The following RBFOX2 variants were observed in gnomAD, a reference collection of about 807,000 sequenced individuals.
RBFOX2 encodes the protein RNA binding protein fox-1 homolog 2.
Under a neutral mutation model 49.1 loss-of-function variants are expected in RBFOX2, and 10 were observed. That is an observed-to-expected ratio of 0.20 (90% CI 0.13 to 0.35). The LOEUF (loss-of-function observed/expected upper bound fraction) is 0.35. Among genes scored for constraint, RBFOX2 ranks in the 10% least tolerant of loss-of-function variants. RBFOX2 has a pLI of 1.00. For missense variants in RBFOX2, 323 were observed against 486.9 expected, an observed-to-expected ratio of 0.66 and a Z score of 3.17; for synonymous variants, 183 against 187.4, an observed-to-expected ratio of 0.98 and a Z score of 0.19.
At chr22:35,907,730 C>T (rs2049289054) in intron 1 of RBFOX2, among the ~76,000 whole-genome samples, 1 of 152,092 alleles carries the variant, frequency 6.6e-6, no homozygotes, top group African/African-American at 2.4e-5. Context: ...TCACTGCAAC[C>T]TTCACCTCCC....
At chr22:36,000,671 A>G (rs1362837209) in intron 1 of RBFOX2, among the ~76,000 whole-genome samples, 1 of 152,132 alleles carries the variant, frequency 6.6e-6, no homozygotes, top group Non-Finnish European at 1.5e-5. Flanking sequence ...CTCCTGTGAT[A>G]GGAAAAAAGC....
intron 1 of RBFOX2, among the ~76,000 whole-genome samples, chr22:35,872,477 T>C (rs1038493850): frequency 9.2e-5 from 14 of 152,162 alleles, no homozygotes; most frequent in African/African-American, 3.1e-4. Context: ...ACCAGAAGAA[T>C]TGGATCATAC....
intron 1 of RBFOX2, among the ~76,000 whole-genome samples, chr22:36,009,704 A>T (rs1170221562): frequency 6.6e-6 from 1 of 152,132 alleles, no homozygotes; most frequent in Admixed American, 6.6e-5. Flanking sequence ...GGGCCCTCTT[A>T]ACCAAATATT....
In RBFOX2 at chr22:35,856,962, G is replaced by A. The variant is rs531343607; in HGVS notation, c.-33-46958C>T. Among the ~76,000 whole-genome samples, 12 of 152,288 alleles carry A rather than the reference G, an allele frequency of 7.9e-5. No homozygotes were observed. In the South Asian group the frequency reaches 2.3e-3, roughly 29 times the overall value. On this transcript the variant is annotated intron_variant, in intron 1 of 13. Coordinates refer to the RBFOX2 transcript ENST00000359369. ...CAGGAGAATTGCCTGAACCCGGGAG[G>A]CAGAGGTTGCAGTGAGCCGAGATTG...
chr22:35,891,464 C>A (rs2047234529), intron 1 of RBFOX2, among the ~76,000 whole-genome samples: 1 of 151,910 alleles, frequency 6.6e-6, no homozygotes, highest in South Asian at 2.1e-4. Context: ...CTTTAATCAT[C>A]TTTGTATTTG....
chr22:36,026,273 A>C (rs1473787439), intron 1 of RBFOX2, among the ~76,000 whole-genome samples: 1 of 151,360 alleles, frequency 6.6e-6, no homozygotes, highest in East Asian at 1.9e-4. Context: ...AAAAAAAGAG[A>C]ATGTATAGAA....
intron 2 of RBFOX2, among the ~76,000 whole-genome samples, chr22:35,796,603 G>A (rs969270817): frequency 6.6e-6 from 1 of 152,072 alleles, no homozygotes; most frequent in African/African-American, 2.4e-5. Context: ...CTGCAATGTC[G>A]AATCTGAAAC....
intron 1 of RBFOX2, among the ~76,000 whole-genome samples, chr22:36,025,812 A>T (rs983848803): frequency 2.0e-5 from 3 of 151,266 alleles, no homozygotes; most frequent in Admixed American, 6.6e-5. Flanking sequence ...GTGGATTACA[A>T]GGGAAATCAT....
intron 1 of RBFOX2, among the ~76,000 whole-genome samples, chr22:35,981,112 C>T (rs777054938): frequency 7.9e-5 from 12 of 152,044 alleles, no homozygotes; most frequent in Non-Finnish European, 1.8e-4. Context: ...ACCAAAACAA[C>T]GTTATGGTAG....
intron 2 of RBFOX2, among the ~76,000 whole-genome samples, chr22:35,805,670 A>G (rs1950601935): frequency 1.3e-5 from 2 of 152,244 alleles, no homozygotes; most frequent in African/African-American, 4.8e-5. Flanking sequence ...AAAACCCTGC[A>G]TATGAATGTT....
intron 6 of RBFOX2, among the ~76,000 whole-genome samples, chr22:35,764,297 C>T (rs1439412365): frequency 6.6e-6 from 1 of 151,908 alleles, no homozygotes. Context: ...TTTAAAAAAA[C>T]AGCAGAGCCA....
At chr22:35,955,150 G>A (rs1050732109) in intron 1 of RBFOX2, among the ~76,000 whole-genome samples, 3 of 152,130 alleles carry the variant, frequency 2.0e-5, no homozygotes, top group Admixed American at 6.5e-5. Flanking sequence ...CAATTTAAGA[G>A]GTTTCAACCA....
In RBFOX2 at chr22:35,759,844, C is replaced by T. The variant is rs1569269150; in HGVS notation, c.887+44G>A. On this transcript the variant is annotated intron_variant, in intron 9 of 11. Coordinates refer to ENST00000405409, the Ensembl canonical transcript of RBFOX2. The surrounding 1 kb of genome is among the most constrained non-coding windows in gnomAD (Gnocchi z 4.6). ...GCCATGGTATTCTTTTTTGGTCCAA[C>T]TGCTTATTTTAGAAACATACTGATT... The T allele has an allele frequency of 6.2e-7, 1 of 1,605,304 alleles. No homozygotes were observed.
chr22:35,897,849 A>G (rs1020201548), intron 1 of RBFOX2: 1 of 739,340 alleles, frequency 1.4e-6, no homozygotes, highest in Admixed American at 1.8e-5. Flanking sequence ...TCTCTCCAAC[A>G]GCCTTCTTTC....
intron 2 of RBFOX2, among the ~76,000 whole-genome samples, chr22:35,790,876 C>T (rs1228025419): frequency 1.3e-5 from 2 of 151,980 alleles, no homozygotes; most frequent in Non-Finnish European, 2.9e-5. Context: ...GGAATGATGG[C>T]GTAAGCCTGT....
At chr22:35,976,392 C>G (rs191461254) in intron 1 of RBFOX2, among the ~76,000 whole-genome samples, 22 of 152,124 alleles carry the variant, frequency 1.4e-4, no homozygotes, top group African/African-American at 5.3e-4. Flanking sequence ...ACAAGTACCT[C>G]CAGTCACTGA....
At chr22:35,801,816 C>G (rs1949843531) in intron 2 of RBFOX2, among the ~76,000 whole-genome samples, 1 of 152,028 alleles carries the variant, frequency 6.6e-6, no homozygotes, top group Non-Finnish European at 1.5e-5. Context: ...CACAGTGAGA[C>G]TCGGTCTCAA....
At chr22:35,915,216 C>A (rs2149540000) in intron 1 of RBFOX2, among the ~76,000 whole-genome samples, 1 of 152,316 alleles carries the variant, frequency 6.6e-6, no homozygotes, top group East Asian at 1.9e-4. Context: ...CACACATGTG[C>A]AGGGCAGAGA....
At chr22:36,003,575 C>T (rs975859601) in intron 1 of RBFOX2, among the ~76,000 whole-genome samples, 2 of 152,160 alleles carry the variant, frequency 1.3e-5, no homozygotes, top group African/African-American at 4.8e-5. Context: ...GGTCACTGGC[C>T]TTATACGTTT....
Sources: gnomAD v4.1 joint callset for allele counts (sites outside exome capture counted in the v4.1 genomes callset) on GRCh38, gnomAD v4.1.1 for gene constraint, Gnocchi (gnomAD v3.1) non-coding constraint, MANE v1.5 for transcripts, NCBI Gene and HGNC (gene_info 2026-07-23, HGNC 2026-07-21) for gene names.